The following ZBTB20 variants were observed in gnomAD, a reference collection of about 807,000 sequenced individuals.
The protein encoded by ZBTB20 is zinc finger and BTB domain-containing protein 20.
Under a neutral mutation model 56.9 loss-of-function variants are expected in ZBTB20, and 9 were observed. The ratio of observed to expected loss-of-function variants is 0.16; its 90% CI spans 0.10 to 0.28. The LOEUF (loss-of-function observed/expected upper bound fraction) is 0.28. ZBTB20 is among the 10% of genes least tolerant of loss of function. ZBTB20 has a pLI of 1.00. For synonymous variants in ZBTB20, 417 were observed against 420.7 expected (o/e 0.99, Z 0.11); for missense variants, 655 against 1,003.0 (o/e 0.65, Z 4.69).
At chr3:115,040,907 A>G (rs183938646) in intron 2 of ZBTB20, among the ~76,000 whole-genome samples, 3 of 152,128 alleles carry the variant, frequency 2.0e-5, no homozygotes, top group African/African-American at 7.2e-5. Context: ...ATTCTTCATA[A>G]TATCAGTTAC....
chr3:114,541,454 A>C (rs1451227682), intron 6 of ZBTB20, among the ~76,000 whole-genome samples: 1 of 152,180 alleles, frequency 6.6e-6, no homozygotes, highest in East Asian at 1.9e-4. Flanking sequence ...ACCTAGTTTT[A>C]CATAATCAAT....
At chr3:115,140,199 CTAAT>C (rs1211618219) in intron 1 of ZBTB20, among the ~76,000 whole-genome samples, 1 of 151,990 alleles carries the variant, frequency 6.6e-6, no homozygotes, top group Non-Finnish European at 1.5e-5. Flanking sequence ...GATCATGTAA[CTAAT>C]TAATGGCCGC....
At chr3:114,874,521 C>A (rs1231807324) in intron 4 of ZBTB20, among the ~76,000 whole-genome samples, 1 of 152,166 alleles carries the variant, frequency 6.6e-6, no homozygotes, top group Non-Finnish European at 1.5e-5. Context: ...TCAGCAGCAG[C>A]AAAGCTGATC....
chr3:114,701,942 C>T (rs1321783054), intron 5 of ZBTB20, among the ~76,000 whole-genome samples: 3 of 152,176 alleles, frequency 2.0e-5, no homozygotes, highest in African/African-American at 7.2e-5. Flanking sequence ...AATGCACAAT[C>T]TCCTAGAAAC....
chr3:114,697,622 T>C (rs1422385318), intron 5 of ZBTB20, among the ~76,000 whole-genome samples: 1 of 152,086 alleles, frequency 6.6e-6, no homozygotes, highest in Non-Finnish European at 1.5e-5. Flanking sequence ...TTTTCCCTTT[T>C]TGTCTCTGTG....
At chr3:115,122,451 A>C (rs1178501603) in intron 1 of ZBTB20, among the ~76,000 whole-genome samples, 1 of 152,080 alleles carries the variant, frequency 6.6e-6, no homozygotes. Flanking sequence ...TTCTCCCTTA[A>C]ATGTAAAAAA....
intron 2 of ZBTB20, among the ~76,000 whole-genome samples, chr3:114,986,405 T>C (rs967716644): frequency 6.6e-6 from 1 of 152,186 alleles, no homozygotes; most frequent in East Asian, 1.9e-4. Flanking sequence ...CCCTTAACCA[T>C]GCTAATTCTG....
chr3:114,506,933 C>T (rs1403656903), intron 6 of ZBTB20, among the ~76,000 whole-genome samples: 2 of 152,188 alleles, frequency 1.3e-5, no homozygotes, highest in Non-Finnish European at 1.5e-5. Flanking sequence ...ACACTTGAAT[C>T]TCCCAAGCCT....
At chr3:114,673,800 T>C (rs1473632197) in intron 6 of ZBTB20, among the ~76,000 whole-genome samples, 2 of 152,186 alleles carry the variant, frequency 1.3e-5, no homozygotes, top group Admixed American at 1.3e-4. Context: ...GACTATGCTT[T>C]TGCTTAGTTG....
intron 6 of ZBTB20, among the ~76,000 whole-genome samples, chr3:114,532,089 G>A (rs2047914970): frequency 6.6e-6 from 1 of 152,194 alleles, no homozygotes; most frequent in African/African-American, 2.4e-5. Context: ...GCTAGCTGCA[G>A]GAATTATTTT....
At chr3:115,026,831 G>A (rs915663320) in intron 2 of ZBTB20, among the ~76,000 whole-genome samples, 2 of 149,820 alleles carry the variant, frequency 1.3e-5, no homozygotes, top group African/African-American at 4.9e-5. Context: ...CATTGCGGGA[G>A]GAAAATAGAA....
intron 10 of ZBTB20, among the ~76,000 whole-genome samples, chr3:114,371,392 A>G (rs528630627): frequency 3.9e-5 from 6 of 152,310 alleles, no homozygotes; most frequent in Admixed American, 1.3e-4. Flanking sequence ...ACAGGCACAA[A>G]AGATATATTC....
intron 6 of ZBTB20, among the ~76,000 whole-genome samples, chr3:114,501,341 C>A (rs1309005256): frequency 6.6e-6 from 1 of 152,054 alleles, no homozygotes; most frequent in African/African-American, 2.4e-5. Context: ...AATTACAAGC[C>A]AGGCTAGGCG....
rs776144435 is a variant in ZBTB20, at chr3:114,351,679, C to T, written c.399G>A (p.Leu133=). 4.3e-6 allele frequency: 7 copies of T among 1,613,978 alleles called. No individual in the cohort carries two copies. The highest frequency in any genetic ancestry group is 1.1e-5 in the South Asian group (1 of 91,088). The change falls in exon 11 of 12, where the codon CTG becomes CTA. Residue 133 remains leucine (L), a synonymous_variant. Transcript: ENST00000675478. Reference sequence around the variant, plus strand: ...TCTCGATGTCGCTGTAGCCAAGCAGCAGTTTGTCCTGGAAGAAGGGGCTGC... The same window carrying T: ...TCTCGATGTCGCTGTAGCCAAGCAGTAGTTTGTCCTGGAAGAAGGGGCTGC... The part of the protein sequence containing the change: ...AAGSPFFQDK[L]LLGYSDIEIP...
intron 6 of ZBTB20, among the ~76,000 whole-genome samples, chr3:114,676,323 G>A (rs2061622760): frequency 6.6e-6 from 1 of 152,090 alleles, no homozygotes; most frequent in African/African-American, 2.4e-5. Flanking sequence ...ACTTTTCTGT[G>A]CCTCAGTTTC....
intron 11 of ZBTB20, among the ~76,000 whole-genome samples, chr3:114,345,373 C>T (rs1160298298): frequency 6.6e-6 from 1 of 152,090 alleles, no homozygotes; most frequent in Non-Finnish European, 1.5e-5. Context: ...CAAGTCAGTC[C>T]TGCTAAATAC....
intron 4 of ZBTB20, among the ~76,000 whole-genome samples, chr3:114,870,370 C>T (rs1287804548): frequency 6.7e-6 from 1 of 149,952 alleles, no homozygotes; most frequent in Non-Finnish European, 1.5e-5. Flanking sequence ...GTGAAATGCA[C>T]AAGAAATTAG....
intron 5 of ZBTB20, among the ~76,000 whole-genome samples, chr3:114,740,642 C>A (rs941535887): frequency 1.3e-5 from 2 of 152,000 alleles, no homozygotes; most frequent in Non-Finnish European, 2.9e-5. Flanking sequence ...ACTTTAAGCA[C>A]CTTGAATTTA....
At chr3:114,978,968 T>A (rs550588204) in intron 2 of ZBTB20, among the ~76,000 whole-genome samples, 1 of 151,988 alleles carries the variant, frequency 6.6e-6, no homozygotes, top group South Asian at 2.1e-4. Context: ...GAAACCTTTT[T>A]AACTGCATAG....
Sources: gnomAD v4.1 joint callset for allele counts (sites outside exome capture counted in the v4.1 genomes callset) on GRCh38, gnomAD v4.1.1 for gene constraint, MANE v1.5 for transcripts, NCBI Gene and HGNC (gene_info 2026-07-23, HGNC 2026-07-21) for gene names.